Variants in MYLK observed in about 807,000 individuals in gnomAD.
MYLK encodes myosin light chain kinase, smooth muscle.
In MYLK, 106 loss-of-function variants were observed where a neutral mutation model predicts 203.4. The observed-to-expected ratio is 0.52, with a 90% CI of 0.45 to 0.61. The LOEUF (loss-of-function observed/expected upper bound fraction) is 0.61. Among genes scored for constraint, MYLK ranks in the 20% least tolerant of loss-of-function variants. MYLK has a pLI of 0.00. For synonymous variants in MYLK, 867 were observed against 959.5 expected (o/e 0.90, Z 1.78); for missense variants, 2,072 against 2,442.3 (o/e 0.85, Z 3.20).
chr3:123,640,328 G>A lies in MYLK; in HGVS notation c.4796C>T (p.Thr1599Ile). Residue 1599 changes from threonine (T) to isoleucine (I), a missense_variant, in exon 28 of 34, where the codon ACC (threonine) becomes ATC (isoleucine). Around this residue, in one of 3 missense-constraint regions of MYLK, gnomAD observed 524 missense variants for 782.4 expected, o/e 0.67. Transcript: ENST00000360304. This position sits in a 1 kb window ranked among gnomAD's most constrained non-coding sequence, Gnocchi z 4.3. ...ENIMCVNKTGTRIKLIDFGLA... is the reference protein window; with the variant it reads ...ENIMCVNKTGIRIKLIDFGLA... Reference sequence around the variant, plus strand: ...ACCAAAGTCGATGAGCTTGATCCTGGTGCCCGTCTTGTTGACACACATGAT... The same window carrying A: ...ACCAAAGTCGATGAGCTTGATCCTGATGCCCGTCTTGTTGACACACATGAT... 1.2e-6 allele frequency: 2 copies of A among 1,613,854 alleles called. No homozygotes were observed. The highest frequency in any genetic ancestry group is 2.2e-5 in the South Asian group (2 of 91,044).
chr3:123,771,035 C>A lies in MYLK; in HGVS notation c.166-18497G>T, dbSNP rs192099548. Among the ~76,000 whole-genome samples, 548 of 152,302 alleles carry A rather than the reference C, an allele frequency of 3.6e-3. 10 individuals carry two copies. The highest frequency in any genetic ancestry group is 1.1e-3 in the Non-Finnish European group (78 of 68,012). ...CCCAATCCTAGTTTTCCAAGAATTT[C>A]ACAGAACTGAATGTATAAAGGTGAG... On this transcript the variant is annotated intron_variant, in intron 4 of 33. Transcript: ENST00000360304.
At chr3:123,763,907 T>A (rs1364171560) in intron 4 of MYLK, among the ~76,000 whole-genome samples, 2 of 152,224 alleles carry the variant, frequency 1.3e-5, no homozygotes, top group African/African-American at 4.8e-5. Flanking sequence ...TTTTCCTCAA[T>A]GTTCTCTTCA....
chr3:123,736,182 A>AT (rs1439863034), intron 8 of MYLK, among the ~76,000 whole-genome samples: 1 of 152,202 alleles, frequency 6.6e-6, no homozygotes, highest in Non-Finnish European at 1.5e-5. Context: ...GAAATAGAGA[A>AT]TACCAGCATG....
intron 4 of MYLK, among the ~76,000 whole-genome samples, chr3:123,784,181 A>T (rs779086430): frequency 3.9e-5 from 6 of 152,194 alleles, no homozygotes; most frequent in Non-Finnish European, 8.8e-5. Flanking sequence ...CTAATGTCAG[A>T]CACAGTGACG....
At chr3:123,764,534 A>G (rs2063640743) in intron 4 of MYLK, among the ~76,000 whole-genome samples, 1 of 152,224 alleles carries the variant, frequency 6.6e-6, no homozygotes, top group Non-Finnish European at 1.5e-5. Context: ...AGGGAAGACC[A>G]TCGCAGGGTG....
chr3:123,848,283 T>G (rs564060518), intron 2 of MYLK, among the ~76,000 whole-genome samples: 3 of 151,680 alleles, frequency 2.0e-5, no homozygotes, highest in African/African-American at 7.3e-5. Flanking sequence ...TAGGGTTTTA[T>G]CTATATCACT....
Position 123,820,639 on chromosome 3 carries a change from CTT to C in MYLK, c.-4+10907_-4+10908del, listed in dbSNP as rs1459709470. ...CCTTCCTTCCTTCCTTCCTTCCTTCCTTCCCTCCTTCCTTCCTTCCTTCCCTC... is the reference window on the plus strand; with the variant it reads ...CCTTCCTTCCTTCCTTCCTTCCTTCCCCCTCCTTCCTTCCTTCCTTCCCTC... On this transcript the variant is annotated intron_variant, in intron 3 of 33. Coordinates refer to ENST00000360304, the MANE Select transcript of MYLK (RefSeq NM_053025.4). Among the ~76,000 whole-genome samples the C allele has an allele frequency of 1.6e-4, 20 of 122,790 alleles. 1 individual carries two copies. The highest frequency in any genetic ancestry group is 3.2e-4 in the East Asian group (1 of 3,162). 80.6% of individuals were successfully genotyped at this position (122,790 alleles called of 152,430 possible). A position where few individuals can be genotyped will look rare whatever the true frequency, so the allele number is the denominator to read the frequency against.
intron 12 of MYLK, among the ~76,000 whole-genome samples, chr3:123,724,932 T>TGG (rs201530843): frequency 2.0e-5 from 3 of 151,840 alleles, no homozygotes; most frequent in South Asian, 2.1e-4. Context: ...TTAGTAGAGA[T>TGG]GGGGGTCTCA....
intron 2 of MYLK, among the ~76,000 whole-genome samples, chr3:123,860,837 T>A (rs2031826610): frequency 6.6e-6 from 1 of 152,072 alleles, no homozygotes; most frequent in Admixed American, 6.5e-5. Flanking sequence ...AGGTAAAAAC[T>A]GGTTAGACAC....
chr3:123,700,681 C>A lies in MYLK; in HGVS notation c.2787G>T (p.Leu929=). The A allele has an allele frequency of 6.2e-7, 1 of 1,614,178 alleles. No individual in the cohort carries two copies. The highest frequency in any genetic ancestry group is 8.5e-7 in the Non-Finnish European group (1 of 1,180,038). ...CAGTCTTTGGCTTCACTTGCCGCTG[C>A]AGGTTGGCACGGAAATCCATCTGCT... is the stretch of plus-strand genomic sequence containing the variant. The part of the protein sequence containing the change: ...PAEQMDFRAN[L]QRQVKPKTVS... Residue 929 remains leucine (L), a synonymous_variant, in exon 18 of 34, where the codon CTG becomes CTT. Transcript: ENST00000360304.
In MYLK at chr3:123,707,859, C is replaced by G. The variant is rs1275325066; in HGVS notation, c.2285G>C (p.Cys762Ser). ...VHWLRDGKAL[C>S]KDTGHFEVLQ... ...CACCTCGAAGTGGCCAGTGTCTTTG[C>G]AGAGGGCTTTGCCATCTCTGAGCCA... Residue 762 changes from cysteine to serine, a missense_variant, in exon 16 of 34, where the codon TGC becomes TCC. Transcript: ENST00000360304. The G allele has an allele frequency of 6.2e-7, 1 of 1,614,238 alleles. No homozygotes were observed. The highest frequency in any genetic ancestry group is 1.1e-5 in the South Asian group (1 of 91,088).
intron 3 of MYLK, among the ~76,000 whole-genome samples, chr3:123,820,771 T>G (rs764646538): frequency 2.0e-5 from 3 of 152,104 alleles, no homozygotes; most frequent in Non-Finnish European, 2.9e-5. Flanking sequence ...TTGCCCAGGC[T>G]GGAATGCAGT....
rs112627795 is a variant in MYLK, at chr3:123,846,335, G to A, written c.-126-14665C>T. ...AGTGTTGTTTTCCAGGCTTTAAAAC[G>A]CATATAAACACTATTCTTTTCATAT... On this transcript the variant is annotated intron_variant, in intron 2 of 33. Transcript: ENST00000360304. Among the ~76,000 whole-genome samples the A allele has an allele frequency of 6.6e-3, 1,008 of 152,200 alleles. 9 individuals are homozygous for A. The highest frequency in any genetic ancestry group is 0.02 in the African/African-American group (848 of 41,530).
At chr3:123,816,793 AAC>A (rs2109269726) in intron 3 of MYLK, among the ~76,000 whole-genome samples, 1 of 152,332 alleles carries the variant, frequency 6.6e-6, no homozygotes, top group South Asian at 2.1e-4. Flanking sequence ...TTTGGGAATA[AAC>A]ACACACAGAT....
At chr3:123,882,514 A>G (rs2033605465) in intron 1 of MYLK, among the ~76,000 whole-genome samples, 2 of 152,240 alleles carry the variant, frequency 1.3e-5, no homozygotes, top group Non-Finnish European at 2.9e-5. Flanking sequence ...GAAACTGAAC[A>G]TGGGAGATAA....
chr3:123,676,028 AT>A (rs1383806173), intron 20 of MYLK, among the ~76,000 whole-genome samples: 1 of 152,270 alleles, frequency 6.6e-6, no homozygotes, highest in Non-Finnish European at 1.5e-5. Context: ...GATTACATCC[AT>A]TCCCAAACCC....
intron 4 of MYLK, among the ~76,000 whole-genome samples, chr3:123,780,843 G>A (rs1372751887): frequency 6.6e-6 from 1 of 152,176 alleles, no homozygotes; most frequent in African/African-American, 2.4e-5. Context: ...AGATGAATAA[G>A]AGATTGTCTA....
At chr3:123,641,777 T>TCCCTCCCTCCCTCTCTC (rs2058844711) in intron 27 of MYLK, among the ~76,000 whole-genome samples, 1 of 137,414 alleles carries the variant, frequency 7.3e-6, no homozygotes, top group African/African-American at 2.8e-5. Context: ...CTCCCTCTCT[T>TCCCTCCCTCCCTCTCTC]CCCTCCCTCC....
intron 28 of MYLK, among the ~76,000 whole-genome samples, chr3:123,639,979 T>C (rs1021946627): frequency 6.6e-6 from 1 of 152,188 alleles, no homozygotes; most frequent in African/African-American, 2.4e-5. Context: ...CATCATCATA[T>C]ATACAGCTAA....
Sources: gnomAD v4.1 joint callset for allele counts (sites outside exome capture counted in the v4.1 genomes callset) on GRCh38, gnomAD v4.1.1 for gene constraint, gnomAD v4.1.1 regional missense constraint, Gnocchi (gnomAD v3.1) non-coding constraint, MANE v1.5 for transcripts, NCBI Gene and HGNC (gene_info 2026-07-23, HGNC 2026-07-21) for gene names.